DAB1: variants seen among roughly 807,000 people sequenced by gnomAD.
DAB1 encodes DAB adaptor protein 1.
A neutral mutation model predicts 64.6 loss-of-function variants in DAB1; 15 were observed. That is an observed-to-expected ratio of 0.23 (90% CI 0.16 to 0.36). DAB1 has a LOEUF of 0.36. Among genes scored for constraint, DAB1 ranks in the 10% least tolerant of loss-of-function variants. The probability of loss-of-function intolerance (pLI) is 1.00; values close to 1 mark genes in which losing one functional copy is unlikely to be tolerated. For missense variants in DAB1, 596 were observed against 706.7 expected (o/e 0.84, Z 1.78); for synonymous variants, 235 against 251.9 (o/e 0.93, Z 0.64).
chr1:58,253,795 A>C (rs1570543594), intron 4 of DAB1, among the ~76,000 whole-genome samples: 1 of 152,290 alleles, frequency 6.6e-6, no homozygotes, highest in Non-Finnish European at 1.5e-5. Flanking sequence ...TACGCTCTGT[A>C]CCATACATTA....
chr1:57,435,168 C>A (rs1485870446), intron 7 of DAB1, among the ~76,000 whole-genome samples: 1 of 151,110 alleles, frequency 6.6e-6, no homozygotes, highest in East Asian at 2.0e-4. Flanking sequence ...CCTGTCTCAG[C>A]CTCCCAAGTA....
intron 5 of DAB1, among the ~76,000 whole-genome samples, chr1:57,904,180 C>G (rs920494474): frequency 6.6e-6 from 1 of 152,160 alleles, no homozygotes; most frequent in Non-Finnish European, 1.5e-5. Flanking sequence ...CTAACAAGTT[C>G]CTAGGTGAAG....
intron 1 of DAB1, among the ~76,000 whole-genome samples, chr1:57,315,387 A>G (rs1409406464): frequency 6.6e-6 from 1 of 152,212 alleles, no homozygotes; most frequent in Non-Finnish European, 1.5e-5. Flanking sequence ...TGAATATAGC[A>G]TCCTCAAAGG....
chr1:58,174,731 T>C (rs151149522), intron 4 of DAB1, among the ~76,000 whole-genome samples: 1,734 of 152,238 alleles, frequency 0.011, 36 homozygotes, highest in African/African-American at 0.04. Flanking sequence ...TACCAATCAG[T>C]GCTCTGTGTC....
chr1:58,274,781 G>A lies in DAB1; in HGVS notation n.309+68571C>T, dbSNP rs12039213. On this transcript the variant is annotated intron_variant and non_coding_transcript_variant, in intron 4 of 20. Coordinates refer to the DAB1 transcript ENST00000485760. ...GTGACCCGATTTTCCAGGTGCGTCC[G>A]TCACTCCTTTCTTTGACTCGGAAAG... 4.7e-3 allele frequency among the ~76,000 whole-genome samples: 721 copies of A among 152,164 alleles called. 1 individual carries two copies. Among genetic ancestry groups the A allele is most frequent in the African/African-American group, 0.011 (466 of 41,532 alleles).
downstream of DAB1, among the ~76,000 whole-genome samples, chr1:57,821,310 T>C (rs1423821852): frequency 6.6e-6 from 1 of 151,924 alleles, no homozygotes; most frequent in Non-Finnish European, 1.5e-5. Context: ...GGCATAATAA[T>C]AATAATAAAA....
At chr1:57,602,301 C>T (rs757347962) in intron 7 of DAB1, among the ~76,000 whole-genome samples, 6 of 152,154 alleles carry the variant, frequency 3.9e-5, no homozygotes, top group African/African-American at 9.7e-5. Context: ...AGGATAGATA[C>T]GATGATCCTT....
intron 5 of DAB1, among the ~76,000 whole-genome samples, chr1:58,102,266 G>T (rs1169490300): frequency 2.0e-5 from 3 of 152,180 alleles, no homozygotes; most frequent in Non-Finnish European, 4.4e-5. Context: ...TTCCTGTCCT[G>T]TTGAATAGGA....
At chr1:57,554,249 T>C (rs1238413714) in intron 7 of DAB1, among the ~76,000 whole-genome samples, 1 of 152,186 alleles carries the variant, frequency 6.6e-6, no homozygotes, top group Non-Finnish European at 1.5e-5. Context: ...AGAAGTGCAA[T>C]GCAGTGTTTA....
At chr1:58,219,615 C>A (rs1271271297) in intron 4 of DAB1, among the ~76,000 whole-genome samples, 1 of 152,178 alleles carries the variant, frequency 6.6e-6, no homozygotes, top group Non-Finnish European at 1.5e-5. Flanking sequence ...TCCTCACCAC[C>A]CCTTCCTTAG....
chr1:58,087,404 C>T (rs1650384794), intron 5 of DAB1, among the ~76,000 whole-genome samples: 1 of 152,172 alleles, frequency 6.6e-6, no homozygotes, highest in African/African-American at 2.4e-5. Flanking sequence ...TCATTAATGC[C>T]TCCATATTAA....
chr1:57,536,653 TACTC>T (rs2101434692), intron 7 of DAB1, among the ~76,000 whole-genome samples: 2 of 149,468 alleles, frequency 1.3e-5, no homozygotes, highest in African/African-American at 4.9e-5. Flanking sequence ...CCTTCCTACT[TACTC>T]TTAAAACCTG....
chr1:57,754,247 GC>G (rs1648688443), intron 6 of DAB1, among the ~76,000 whole-genome samples: 1 of 152,212 alleles, frequency 6.6e-6, no homozygotes, highest in African/African-American at 2.4e-5. Flanking sequence ...TATATGCCTG[GC>G]CCCTGTAAAT....
At chr1:57,452,157 G>GT (rs1553183366) in intron 7 of DAB1, among the ~76,000 whole-genome samples, 1 of 110,240 alleles carries the variant, frequency 9.1e-6, no homozygotes, top group Non-Finnish European at 1.7e-5. Flanking sequence ...GTCTCTCTCT[G>GT]CACCCCCCCT....
Position 57,960,069 on chromosome 1 carries a change from C to T in DAB1, n.388-75907G>A, listed in dbSNP as rs143449491. On this transcript the variant is annotated intron_variant and non_coding_transcript_variant, in intron 5 of 20. Transcript: ENST00000485760. ...GAGCGCGTTTCTGCTGCAGCCTCCA[C>T]GATGCCTGGGCTGATAGCAATCAGG... Among the ~76,000 whole-genome samples, 164 of 152,258 alleles carry T rather than the reference C, an allele frequency of 1.1e-3. 4 individuals are homozygous for T. The East Asian group carries it at 0.029, about 27-fold the overall frequency.
At chr1:57,443,554 C>G (rs909323884) in intron 7 of DAB1, among the ~76,000 whole-genome samples, 1 of 152,216 alleles carries the variant, frequency 6.6e-6, no homozygotes, top group South Asian at 2.1e-4. Flanking sequence ...CTCTACCAAC[C>G]TACTCCAACT....
chr1:57,872,432 G>A (rs1033251950), intron 1 of DAB1, among the ~76,000 whole-genome samples: 1 of 152,206 alleles, frequency 6.6e-6, no homozygotes, highest in Non-Finnish European at 1.5e-5. Flanking sequence ...CAAATCTGCT[G>A]AAGCCTTGAT....
chr1:57,185,559 C>A (rs1048773844), intron 2 of DAB1, among the ~76,000 whole-genome samples: 1 of 152,010 alleles, frequency 6.6e-6, no homozygotes, highest in Non-Finnish European at 1.5e-5. Flanking sequence ...GGCAACCTCA[C>A]GCATAGAGGG....
intron 5 of DAB1, among the ~76,000 whole-genome samples, chr1:58,018,929 T>C (rs936637480): frequency 6.6e-6 from 1 of 152,190 alleles, no homozygotes; most frequent in Non-Finnish European, 1.5e-5. Flanking sequence ...AAGGTGACAT[T>C]TGAAAATATT....
Sources: gnomAD v4.1 joint callset for allele counts (sites outside exome capture counted in the v4.1 genomes callset) on GRCh38, gnomAD v4.1.1 for gene constraint, MANE v1.5 for transcripts, NCBI Gene and HGNC (gene_info 2026-07-23, HGNC 2026-07-21) for gene names.